DSCAM: variants seen among roughly 807,000 people sequenced by gnomAD.
The protein encoded by DSCAM is DS cell adhesion molecule.
In DSCAM, 47 loss-of-function variants were observed where a neutral mutation model predicts 217.7. The observed-to-expected ratio is 0.22, with a 90% CI of 0.17 to 0.28. DSCAM has a LOEUF of 0.28. DSCAM is among the 10% of genes least tolerant of loss of function. DSCAM has a pLI of 1.00. For missense variants in DSCAM, 2,080 were observed against 2,618.3 expected (o/e 0.79, Z 4.49); for synonymous variants, 1,056 against 1,015.3 (o/e 1.04, Z -0.76).
intron 1 of DSCAM, among the ~76,000 whole-genome samples, chr21:40,722,043 A>G (rs948031066): frequency 6.6e-6 from 1 of 152,090 alleles, no homozygotes; most frequent in African/African-American, 2.4e-5. Flanking sequence ...TAAAAAAAAG[A>G]CAGGAAAGAA....
At chr21:40,766,809 C>T (rs181536836) in intron 1 of DSCAM, among the ~76,000 whole-genome samples, 214 of 151,318 alleles carry the variant, frequency 1.4e-3, no homozygotes, top group African/African-American at 4.8e-3. Flanking sequence ...CCTGCCTCAG[C>T]TTCCCAAGTA....
At chr21:40,072,691 T>C (rs1329357030) in intron 27 of DSCAM, among the ~76,000 whole-genome samples, 2 of 152,164 alleles carry the variant, frequency 1.3e-5, no homozygotes, top group Non-Finnish European at 2.9e-5. Flanking sequence ...TTATTAGCCA[T>C]GTACAAAATG....
intron 8 of DSCAM, among the ~76,000 whole-genome samples, chr21:40,314,089 G>A (rs971731103): frequency 1.3e-5 from 2 of 152,168 alleles, no homozygotes; most frequent in African/African-American, 4.8e-5. Flanking sequence ...AACGTGCTGG[G>A]CACACAGCAA....
chr21:40,506,742 T>G (rs1747748969), intron 3 of DSCAM, among the ~76,000 whole-genome samples: 1 of 152,200 alleles, frequency 6.6e-6, no homozygotes, highest in African/African-American at 2.4e-5. Flanking sequence ...GAAGAAGCGT[T>G]TTTAAAACTG....
chr21:40,827,840 G>A (rs1320321890), intron 1 of DSCAM, among the ~76,000 whole-genome samples: 2 of 152,204 alleles, frequency 1.3e-5, no homozygotes, highest in Non-Finnish European at 2.9e-5. Context: ...TTTGAGGCAA[G>A]TACTGTAAGG....
At chr21:40,634,416 T>A (rs1446354275) in intron 3 of DSCAM, among the ~76,000 whole-genome samples, 1 of 152,214 alleles carries the variant, frequency 6.6e-6, no homozygotes, top group Non-Finnish European at 1.5e-5. Flanking sequence ...TCTACCAGCA[T>A]GCAGTGGTAC....
chr21:40,541,072 C>T (rs1914356732), intron 3 of DSCAM, among the ~76,000 whole-genome samples: 1 of 152,018 alleles, frequency 6.6e-6, no homozygotes, highest in African/African-American at 2.4e-5. Flanking sequence ...AATCCAGTTG[C>T]ATATCAATAT....
intron 24 of DSCAM, 60 bp downstream of exon 24, chr21:40,083,848 C>T: frequency 7.2e-7 from 1 of 1,390,408 alleles, no homozygotes; most frequent in East Asian, 2.4e-5. Flanking sequence ...AGATGTGTCA[C>T]TTATTGGCAT....
intron 3 of DSCAM, among the ~76,000 whole-genome samples, chr21:40,467,285 TAC>T (rs1204490708): frequency 6.6e-6 from 1 of 152,248 alleles, no homozygotes; most frequent in Non-Finnish European, 1.5e-5. Flanking sequence ...ACTGTGCATA[TAC>T]ACAATGATTT....
intron 20 of DSCAM, among the ~76,000 whole-genome samples, chr21:40,115,529 C>T (rs140569274): frequency 0.058 from 8,841 of 152,054 alleles, 335 homozygotes; most frequent in East Asian, 0.099. Flanking sequence ...CAAACCTGCA[C>T]GTTGTGCACA....
intron 3 of DSCAM, among the ~76,000 whole-genome samples, chr21:40,507,472 T>C (rs1002005783): frequency 1.3e-5 from 2 of 152,130 alleles, no homozygotes; most frequent in African/African-American, 4.8e-5. Context: ...CGTACTCTAA[T>C]GTCCATCTTA....
At chr21:40,706,167 G>A (rs1271144109) in intron 2 of DSCAM, among the ~76,000 whole-genome samples, 12 of 143,426 alleles carry the variant, frequency 8.4e-5, no homozygotes, top group Admixed American at 7.1e-4. Context: ...GAAACAGAGC[G>A]AGACTCCAGT....
chr21:40,033,055 T>A (rs954431060), intron 32 of DSCAM, among the ~76,000 whole-genome samples: 19 of 152,298 alleles, frequency 1.2e-4, no homozygotes, highest in Non-Finnish European at 2.2e-4. Context: ...CCTTATCCAT[T>A]AATTCCCAAT....
At chr21:40,178,268 C>G (rs1359205018) in intron 15 of DSCAM, among the ~76,000 whole-genome samples, 2 of 152,020 alleles carry the variant, frequency 1.3e-5, no homozygotes, top group African/African-American at 2.4e-5. Context: ...TGTGCATGTG[C>G]GTGTGTGGGT....
intron 1 of DSCAM, among the ~76,000 whole-genome samples, chr21:40,796,656 A>T (rs2091694594): frequency 6.6e-6 from 1 of 152,230 alleles, no homozygotes; most frequent in Non-Finnish European, 1.5e-5. Flanking sequence ...TCCATGGACC[A>T]GAAACAGTAT....
rs2074451338 is a variant in DSCAM, at chr21:40,338,387, A to G, written c.1508-11T>C. The G allele has an allele frequency of 6.2e-7, 1 of 1,604,204 alleles. No homozygotes were observed. Among genetic ancestry groups the G allele is most frequent in the Middle Eastern group, 1.7e-4 (1 of 6,006 alleles). On this transcript the variant is annotated splice_polypyrimidine_tract_variant and intron_variant, in intron 7 of 32. Coordinates refer to ENST00000400454, the MANE Select transcript of DSCAM (RefSeq NM_001389.5). ...GAATGCTTGCAGGCCCTGGAGAGACACAAAGAAACTCTTGAAAATAATTTA... is the reference window on the plus strand; with the variant it reads ...GAATGCTTGCAGGCCCTGGAGAGACGCAAAGAAACTCTTGAAAATAATTTA...
chr21:40,091,680 G>C (rs1342598584), intron 21 of DSCAM, among the ~76,000 whole-genome samples: 2 of 152,180 alleles, frequency 1.3e-5, no homozygotes, highest in Non-Finnish European at 2.9e-5. Context: ...ATAAAGGAAA[G>C]GGGTTTAATG....
At chr21:40,368,885 T>C (rs1433186808) in intron 4 of DSCAM, among the ~76,000 whole-genome samples, 1 of 152,242 alleles carries the variant, frequency 6.6e-6, no homozygotes, top group Non-Finnish European at 1.5e-5. Flanking sequence ...ATTATGTGAA[T>C]GTGTCAATTA....
At chr21:40,121,286 A>C (rs1191457766) in intron 20 of DSCAM, among the ~76,000 whole-genome samples, 1 of 152,190 alleles carries the variant, frequency 6.6e-6, no homozygotes, top group Non-Finnish European at 1.5e-5. Flanking sequence ...TTTCTTGATC[A>C]TTTCATATTT....
Sources: gnomAD v4.1 joint callset for allele counts (sites outside exome capture counted in the v4.1 genomes callset) on GRCh38, gnomAD v4.1.1 for gene constraint, MANE v1.5 for transcripts, NCBI Gene and HGNC (gene_info 2026-07-23, HGNC 2026-07-21) for gene names.